Variants in MACROD1 observed in about 807,000 individuals in gnomAD.
MACROD1 encodes ADP-ribose glycohydrolase MACROD1.
Under a neutral mutation model 41.4 loss-of-function variants are expected in MACROD1, and 31 were observed. That is an observed-to-expected ratio of 0.75 (90% confidence interval 0.56 to 1.01). The LOEUF (loss-of-function observed/expected upper bound fraction) is 1.01. Among genes scored for constraint, MACROD1 ranks in the 50% least tolerant of loss-of-function variants. MACROD1 has a pLI of 0.00. For synonymous variants in MACROD1, 252 were observed against 203.4 expected (o/e 1.24, Z -2.03); for missense variants, 473 against 460.0 (o/e 1.03, Z -0.26).
intron 3 of MACROD1, among the ~76,000 whole-genome samples, chr11:64,107,288 T>C (rs1944779205): frequency 6.6e-6 from 1 of 152,230 alleles, no homozygotes; most frequent in Non-Finnish European, 1.5e-5. Flanking sequence ...GAGCATCTTA[T>C]TAAATAATGC....
rs1435928693 is a variant in MACROD1, at chr11:64,156,914, A to G, written c.299-4521T>C. 4.1e-4 allele frequency among the ~76,000 whole-genome samples: 62 copies of G among 152,064 alleles called. 1 individual carries two copies. Among genetic ancestry groups the G allele is most frequent in the Admixed American group, 4.1e-3 (62 of 15,282 alleles). On this transcript the variant is annotated intron_variant, in intron 1 of 10. Transcript: ENST00000255681. ...AAGGCTGTGGCCTGGCTGATCCCCA[A>G]AGAGCTACACACTGCACTGGTTTCT...
At chr11:64,005,271 G>A (rs916380072) in intron 4 of MACROD1, among the ~76,000 whole-genome samples, 8 of 152,070 alleles carry the variant, frequency 5.3e-5, no homozygotes, top group Non-Finnish European at 7.4e-5. Flanking sequence ...CTTGTGATCC[G>A]CCCGCCTCGG....
At chr11:64,008,705 G>A (rs565004) in intron 4 of MACROD1, among the ~76,000 whole-genome samples, 3,096 of 152,276 alleles carry the variant, frequency 0.02, 104 homozygotes, top group African/African-American at 0.069. Context: ...GCTCAGGGCC[G>A]ACGGCATGGG....
chr11:64,103,602 T>C (rs986445857), intron 3 of MACROD1: 12 of 147,026 alleles, frequency 8.2e-5, no homozygotes, highest in African/African-American at 2.8e-4. Context: ...AAAAAAAGCC[T>C]TGGTAAACAA....
chr11:64,043,796 G>A (rs1239979485), intron 3 of MACROD1, among the ~76,000 whole-genome samples: 2 of 151,364 alleles, frequency 1.3e-5, no homozygotes, highest in East Asian at 1.9e-4. Flanking sequence ...CCAAGGTCAC[G>A]TAGCCAGGAC....
At chr11:64,008,526 C>T (rs1436569285) in intron 4 of MACROD1, among the ~76,000 whole-genome samples, 4 of 151,512 alleles carry the variant, frequency 2.6e-5, no homozygotes, top group Non-Finnish European at 5.9e-5. Context: ...TGAAACTAGG[C>T]GGGAGGGTTG....
At chr11:64,030,759 G>A (rs1353248667) in intron 3 of MACROD1, among the ~76,000 whole-genome samples, 1 of 152,076 alleles carries the variant, frequency 6.6e-6, no homozygotes, top group African/African-American at 2.4e-5. Context: ...AATCGGGAAG[G>A]TGGGGTTAGA....
At chr11:64,018,687 C>T (rs867113104) in intron 3 of MACROD1, among the ~76,000 whole-genome samples, 1 of 152,178 alleles carries the variant, frequency 6.6e-6, no homozygotes, top group Non-Finnish European at 1.5e-5. Flanking sequence ...TACTGCACCA[C>T]CCCCCTCAGT....
At chr11:64,089,671 G>T (rs1944456237) in intron 3 of MACROD1, among the ~76,000 whole-genome samples, 2 of 152,234 alleles carry the variant, frequency 1.3e-5, no homozygotes, top group African/African-American at 4.8e-5. Flanking sequence ...GTGATGCCTT[G>T]AGAGAAGCTG....
chr11:64,047,513 C>T (rs977548009), intron 3 of MACROD1, among the ~76,000 whole-genome samples: 2 of 152,152 alleles, frequency 1.3e-5, no homozygotes, highest in Non-Finnish European at 2.9e-5. Context: ...CCTCACCTGC[C>T]TGGCATTCAC....
Position 63,998,975 on chromosome 11 carries a change from A to G in MACROD1, c.953T>C (p.Leu318Pro). Residue 318 changes from leucine to proline, a missense_variant, in exon 9 of 11, where the codon CTC becomes CCC. Coordinates refer to ENST00000255681, the MANE Select transcript of MACROD1 (RefSeq NM_014067.4). ...CGTACCCACGGGGAAGTAGTGGGGG[A>G]GCCGGCTCCGGTAGATGTCCTCGTC... Reference protein sequence around the residue: ...EKDEDIYRSRLPHYFPVA With the variant: ...EKDEDIYRSRPPHYFPVA 1 of 1,604,364 alleles carries G rather than the reference A, an allele frequency of 6.2e-7. No homozygotes were observed. Among genetic ancestry groups the G allele is most frequent in the Non-Finnish European group, 8.5e-7 (1 of 1,177,068 alleles).
rs536634869 is a variant in MACROD1, at chr11:64,131,467, C to T, written c.517+19772G>A. ...TCAGCCTCCCAAGTAGCTGCGTGTA[C>T]AGGCGTGTGCTACCACGCCCAGCTA... is the stretch of plus-strand genomic sequence containing the variant. On this transcript the variant is annotated intron_variant, in intron 3 of 10. Transcript: ENST00000255681. Among the ~76,000 whole-genome samples the T allele has an allele frequency of 6.9e-4, 105 of 152,344 alleles. No homozygotes were observed. The South Asian group carries it at 0.02, about 29-fold the overall frequency.
chr11:64,063,563 T>A (rs540235250), intron 3 of MACROD1, among the ~76,000 whole-genome samples: 49 of 152,124 alleles, frequency 3.2e-4, no homozygotes, highest in Non-Finnish European at 6.3e-4. Flanking sequence ...GCCAGCAACC[T>A]TCAATGCGGC....
At chr11:64,125,266 C>T (rs1945160791) in intron 3 of MACROD1, among the ~76,000 whole-genome samples, 1 of 152,154 alleles carries the variant, frequency 6.6e-6, no homozygotes, top group South Asian at 2.1e-4. Context: ...GGCCCCCCTG[C>T]CTCCCCACAC....
chr11:64,143,676 C>T (rs1945445365), intron 3 of MACROD1, among the ~76,000 whole-genome samples: 1 of 151,718 alleles, frequency 6.6e-6, no homozygotes, highest in Non-Finnish European at 1.5e-5. Context: ...CACACCCACT[C>T]TCAGAACTCA....
intron 3 of MACROD1, chr11:64,117,491 CCT>C (rs750043274): frequency 6.2e-7 from 1 of 1,611,420 alleles, no homozygotes; most frequent in Admixed American, 1.7e-5. Context: ...CCCAGGGTTC[CCT>C]GTTTACCCTC....
chr11:64,013,502 A>G (rs1471536789), intron 4 of MACROD1, among the ~76,000 whole-genome samples: 2 of 152,222 alleles, frequency 1.3e-5, no homozygotes, highest in African/African-American at 4.8e-5. Flanking sequence ...GCCGGAGCAA[A>G]GTGGAGAGGG....
chr11:64,000,455 G>T, intron 4 of MACROD1, 112 bp from the exon 5 acceptor site: 2 of 630,658 alleles, frequency 3.2e-6, no homozygotes, highest in Non-Finnish European at 2.5e-6. Flanking sequence ...GCGGAGCCGC[G>T]CCCCAACCCC....
At chr11:64,077,922 TG>T (rs1014366488) in intron 3 of MACROD1, among the ~76,000 whole-genome samples, 4 of 152,206 alleles carry the variant, frequency 2.6e-5, no homozygotes, top group African/African-American at 9.6e-5. Flanking sequence ...CTGGGGACTG[TG>T]GCCTGCAGCC....
Sources: gnomAD v4.1 joint callset for allele counts (sites outside exome capture counted in the v4.1 genomes callset) on GRCh38, gnomAD v4.1.1 for gene constraint, MANE v1.5 for transcripts, NCBI Gene and HGNC (gene_info 2026-07-23, HGNC 2026-07-21) for gene names.